Variants in CNTNAP5 observed in about 807,000 individuals in gnomAD.
CNTNAP5 encodes contactin-associated protein-like 5.
CNTNAP5 carries 72 observed loss-of-function variants against 150.2 expected under a neutral mutation model. The ratio of observed to expected loss-of-function variants is 0.48; its 90% CI spans 0.40 to 0.58. The LOEUF (loss-of-function observed/expected upper bound fraction) is 0.58, where lower values mean the gene tolerates loss of function less well. Ranked by LOEUF, CNTNAP5 falls within the 20% of genes least tolerant of loss-of-function variation. The pLI, the probability that CNTNAP5 is intolerant of heterozygous loss-of-function variation, is 0.00. For missense variants in CNTNAP5, 1,636 were observed against 1,626.2 expected, an observed-to-expected ratio of 1.01 and a Z score of -0.10; for synonymous variants, 672 against 619.8, an observed-to-expected ratio of 1.08 and a Z score of -1.25.
rs1257693741 is a variant in CNTNAP5, at chr2:124,484,750, AT to A, written c.1062+9869del. ...ATAGATCAGTGATTATTAGTATTTT[AT>A]AGGGCACACACACCCCTTTAAGAAT... On this transcript the variant is annotated intron_variant, in intron 7 of 23. Transcript: ENST00000682447. 2.0e-5 allele frequency among the ~76,000 whole-genome samples: 3 copies of A among 152,178 alleles called. No homozygotes were observed. The East Asian group carries it at 5.8e-4, about 29-fold the overall frequency.
intron 13 of CNTNAP5, among the ~76,000 whole-genome samples, chr2:124,707,913 A>G (rs559228365): frequency 6.6e-6 from 1 of 152,300 alleles, no homozygotes; most frequent in Admixed American, 6.5e-5. Context: ...ATAACTTCAT[A>G]TATACAAGCA....
At chr2:124,756,035 G>C (rs1219960773) in intron 14 of CNTNAP5, among the ~76,000 whole-genome samples, 1 of 152,096 alleles carries the variant, frequency 6.6e-6, no homozygotes, top group Non-Finnish European at 1.5e-5. Context: ...AATAATTTGT[G>C]CACCCAGCAG....
intron 3 of CNTNAP5, among the ~76,000 whole-genome samples, chr2:124,267,880 C>T (rs1404562047): frequency 1.3e-5 from 2 of 152,210 alleles, no homozygotes; most frequent in Non-Finnish European, 2.9e-5. Flanking sequence ...TCTATTTTCT[C>T]GAACTTTAAA....
At chr2:124,406,406 T>C (rs752278896) in intron 3 of CNTNAP5, among the ~76,000 whole-genome samples, 1 of 152,252 alleles carries the variant, frequency 6.6e-6, no homozygotes, top group Admixed American at 6.5e-5. Flanking sequence ...TTCTGTACTT[T>C]CCATCCTTTT....
chr2:124,835,284 T>A (rs1208066639), intron 19 of CNTNAP5, among the ~76,000 whole-genome samples: 1 of 152,106 alleles, frequency 6.6e-6, no homozygotes, highest in East Asian at 1.9e-4. Context: ...ACTTCCCTTT[T>A]CCCCAAATGT....
chr2:124,065,928 G>T (rs958069151), intron 1 of CNTNAP5, among the ~76,000 whole-genome samples: 2 of 152,156 alleles, frequency 1.3e-5, no homozygotes. Context: ...AAAAAAGGAC[G>T]ATGTATTCAC....
chr2:124,073,617 C>T (rs1682364991), intron 1 of CNTNAP5, among the ~76,000 whole-genome samples: 2 of 151,944 alleles, frequency 1.3e-5, no homozygotes, highest in Admixed American at 6.6e-5. Flanking sequence ...CAGATAAATG[C>T]AAAGGAAAAC....
intron 13 of CNTNAP5, among the ~76,000 whole-genome samples, chr2:124,745,878 G>A (rs1680593424): frequency 1.3e-5 from 2 of 152,148 alleles, no homozygotes; most frequent in Admixed American, 1.3e-4. Context: ...GCTTTAGGTT[G>A]CCTGGTCTCT....
intron 19 of CNTNAP5, among the ~76,000 whole-genome samples, chr2:124,845,268 G>A (rs972734347): frequency 2.0e-5 from 3 of 151,878 alleles, no homozygotes; most frequent in African/African-American, 7.2e-5. Context: ...TTTTGTTTAG[G>A]TGTTGTATCA....
At chr2:124,202,258 C>T (rs1307421420) in intron 1 of CNTNAP5, among the ~76,000 whole-genome samples, 1 of 152,084 alleles carries the variant, frequency 6.6e-6, no homozygotes, top group Non-Finnish European at 1.5e-5. Context: ...TTCCTATTCT[C>T]AATATTATTA....
At position 124,530,417 on chromosome 2, in the gene CNTNAP5, G is replaced by A. The variant is rs7587360; in HGVS notation, c.1649+2961G>A. Among the ~76,000 whole-genome samples, 742 of 152,272 alleles carry A rather than the reference G, an allele frequency of 4.9e-3. 8 individuals carry two copies. The highest frequency in any genetic ancestry group is 0.017 in the African/African-American group (710 of 41,572). On this transcript the variant is annotated intron_variant, in intron 10 of 23. Transcript: ENST00000682447. The stretch of plus-strand genomic sequence containing the variant: ...GCTCCCTCCGGTGGAGGTCCTTTAA[G>A]CAACTTCCTTTTGAGGTGGTGCCTA...
At chr2:124,743,056 TG>T (rs1194493635) in intron 13 of CNTNAP5, among the ~76,000 whole-genome samples, 2 of 152,280 alleles carry the variant, frequency 1.3e-5, no homozygotes, top group Non-Finnish European at 2.9e-5. Flanking sequence ...TGCAGGCAGC[TG>T]GGGGATAGAC....
intron 3 of CNTNAP5, among the ~76,000 whole-genome samples, chr2:124,416,945 T>C (rs1464717403): frequency 6.8e-6 from 1 of 147,936 alleles, no homozygotes; most frequent in Non-Finnish European, 1.5e-5. Context: ...TCTTTTTTTT[T>C]TTTTTTTTTT....
intron 14 of CNTNAP5, among the ~76,000 whole-genome samples, chr2:124,753,140 G>A (rs1680767165): frequency 6.6e-6 from 1 of 152,000 alleles, no homozygotes; most frequent in Non-Finnish European, 1.5e-5. Context: ...AAGTGATATG[G>A]CAAAAATAGG....
At chr2:124,708,613 A>T (rs2105100762) in intron 13 of CNTNAP5, among the ~76,000 whole-genome samples, 1 of 152,326 alleles carries the variant, frequency 6.6e-6, no homozygotes, top group East Asian at 1.9e-4. Flanking sequence ...GTGTTGTGAC[A>T]GACATTGGCA....
rs149423017 is a variant in CNTNAP5, at chr2:124,146,885, A to G, written c.83-74820A>G. Among the ~76,000 whole-genome samples the G allele has an allele frequency of 5.6e-3, 856 of 152,216 alleles. 10 individuals carry two copies. Among genetic ancestry groups the G allele is most frequent in the African/African-American group, 0.019 (784 of 41,546 alleles). On this transcript the variant is annotated intron_variant, in intron 1 of 23. Transcript: ENST00000682447. The stretch of plus-strand genomic sequence containing the variant: ...AAATGTGGTTTCCTCAGCTTCTCTT[A>G]TGGCCAGACACTCTTCTTAGGAGCC...
rs556368517 is a variant in CNTNAP5, at chr2:124,609,306, A to G, written c.1757-495A>G. Among the ~76,000 whole-genome samples, 185 of 152,316 alleles carry G rather than the reference A, an allele frequency of 1.2e-3. 1 individual carries two copies. Among genetic ancestry groups the G allele is most frequent in the African/African-American group, 4.3e-3 (180 of 41,580 alleles). Reference sequence around the variant, plus strand: ...AATGAATTTAAATAAATGGAAAATAAGGCTGGGCCTGGCGGATCATGCCTA... The same window carrying G: ...AATGAATTTAAATAAATGGAAAATAGGGCTGGGCCTGGCGGATCATGCCTA... On this transcript the variant is annotated intron_variant, in intron 11 of 23. Coordinates refer to ENST00000682447, the MANE Select transcript of CNTNAP5 (RefSeq NM_001367498.1).
intron 1 of CNTNAP5, among the ~76,000 whole-genome samples, chr2:124,217,032 T>A (rs1453381217): frequency 6.6e-6 from 1 of 151,936 alleles, no homozygotes; most frequent in Non-Finnish European, 1.5e-5. Context: ...CCTATCAGAG[T>A]TTTGCTATAA....
chr2:124,526,658 C>A (rs1362038314), intron 9 of CNTNAP5, among the ~76,000 whole-genome samples: 1 of 152,172 alleles, frequency 6.6e-6, no homozygotes, highest in African/African-American at 2.4e-5. Context: ...ATAGTATTAA[C>A]CTTTCCCATA....
Sources: gnomAD v4.1 joint callset for allele counts (sites outside exome capture counted in the v4.1 genomes callset) on GRCh38, gnomAD v4.1.1 for gene constraint, MANE v1.5 for transcripts, NCBI Gene and HGNC (gene_info 2026-07-23, HGNC 2026-07-21) for gene names.